The following PHACTR1 variants were observed in gnomAD, a reference collection of about 807,000 sequenced individuals.
PHACTR1 encodes the protein RPEL repeat containing 1.
PHACTR1 carries 16 observed loss-of-function variants against 69.2 expected under a neutral mutation model. The observed-to-expected ratio is 0.23, with a 90% CI of 0.16 to 0.35. The LOEUF is 0.35. Among genes scored for constraint, PHACTR1 ranks in the 10% least tolerant of loss-of-function variants. PHACTR1 has a pLI of 1.00. For synonymous variants in PHACTR1, 312 were observed against 284.5 expected (o/e 1.10, Z -0.97); for missense variants, 510 against 734.7 (o/e 0.69, Z 3.54).
chr6:12,727,342 C>T (rs1762922825), intron 3 of PHACTR1, among the ~76,000 whole-genome samples: 1 of 152,168 alleles, frequency 6.6e-6, no homozygotes, highest in East Asian at 1.9e-4. Context: ...GGAGTGTGCC[C>T]TGGGAACAGG....
At chr6:13,012,098 T>A (rs1799515652) in intron 4 of PHACTR1, among the ~76,000 whole-genome samples, 1 of 152,198 alleles carries the variant, frequency 6.6e-6, no homozygotes, top group South Asian at 2.1e-4. Context: ...GCATTCTACA[T>A]CCATCCCCCT....
intron 10 of PHACTR1, among the ~76,000 whole-genome samples, chr6:13,253,299 T>C (rs1283617906): frequency 6.6e-6 from 1 of 152,230 alleles, no homozygotes; most frequent in Admixed American, 6.5e-5. Flanking sequence ...TTTTAACGTT[T>C]CATCCCTTGC....
At chr6:12,787,417 G>C (rs1771674356) in intron 4 of PHACTR1, among the ~76,000 whole-genome samples, 1 of 152,248 alleles carries the variant, frequency 6.6e-6, no homozygotes, top group South Asian at 2.1e-4. Flanking sequence ...TGACTTGAGT[G>C]TGAAAGGCGT....
chr6:12,776,666 G>C (rs1456609701), intron 4 of PHACTR1, among the ~76,000 whole-genome samples: 4 of 152,170 alleles, frequency 2.6e-5, no homozygotes, highest in Non-Finnish European at 5.9e-5. Context: ...AAGCAGAATG[G>C]ATGTATTATT....
At chr6:13,095,354 T>A (rs755962985) in intron 5 of PHACTR1, among the ~76,000 whole-genome samples, 54 of 152,198 alleles carry the variant, frequency 3.5e-4, no homozygotes, top group South Asian at 4.1e-4. Flanking sequence ...GGTGAGTGAT[T>A]TAAATTTTGA....
intron 5 of PHACTR1, among the ~76,000 whole-genome samples, chr6:13,090,526 T>C (rs1813084699): frequency 5.3e-5 from 8 of 152,028 alleles, no homozygotes; most frequent in Non-Finnish European, 1.5e-5. Flanking sequence ...GGTTTCACTA[T>C]GTTGGTCAGA....
intron 3 of PHACTR1, among the ~76,000 whole-genome samples, chr6:12,721,209 A>T (rs897722466): frequency 1.3e-5 from 2 of 152,140 alleles, no homozygotes; most frequent in Non-Finnish European, 2.9e-5. Flanking sequence ...AACATGGTGA[A>T]ACCCTGTCTC....
chr6:12,976,535 CT>C (rs1212054510), intron 4 of PHACTR1, among the ~76,000 whole-genome samples: 1 of 152,188 alleles, frequency 6.6e-6, no homozygotes, highest in East Asian at 1.9e-4. Context: ...TTGCTATAGT[CT>C]TTCCCACTTA....
chr6:13,018,264 G>A (rs941469060), intron 4 of PHACTR1, among the ~76,000 whole-genome samples: 2 of 152,104 alleles, frequency 1.3e-5, no homozygotes, highest in Non-Finnish European at 1.5e-5. Flanking sequence ...TACCGAGGTC[G>A]AACCACCATT....
chr6:12,898,059 A>G (rs1784847669), intron 4 of PHACTR1, among the ~76,000 whole-genome samples: 1 of 152,170 alleles, frequency 6.6e-6, no homozygotes. Flanking sequence ...TCTTTATTCT[A>G]CTGAACTTCC....
intron 4 of PHACTR1, chr6:12,957,715 G>A: frequency 1.0e-6 from 1 of 985,594 alleles, no homozygotes; most frequent in Non-Finnish European, 1.2e-6. Flanking sequence ...GGATAAAATG[G>A]ACCCTTCATG....
intron 10 of PHACTR1, among the ~76,000 whole-genome samples, chr6:13,233,356 A>C (rs1430586410): frequency 1.5e-4 from 2 of 13,250 alleles, no homozygotes; most frequent in African/African-American, 1.2e-3. Context: ...CTGAAGGTTT[A>C]CCATAGTATA....
intron 12 of PHACTR1, 48 bp downstream of exon 12, chr6:13,278,377 C>T (rs1479672057): frequency 3.3e-6 from 5 of 1,522,500 alleles, no homozygotes; most frequent in Non-Finnish European, 4.5e-6. Flanking sequence ...GGGTGGGCTG[C>T]CTGCCACACC....
intron 4 of PHACTR1, among the ~76,000 whole-genome samples, chr6:12,773,837 G>A (rs1462516143): frequency 2.0e-5 from 3 of 152,168 alleles, no homozygotes; most frequent in Non-Finnish European, 2.9e-5. Context: ...CTTGTTTGGT[G>A]AGCTCATCTT....
At chr6:12,838,605 T>C (rs959009031) in intron 4 of PHACTR1, among the ~76,000 whole-genome samples, 1 of 152,208 alleles carries the variant, frequency 6.6e-6, no homozygotes, top group African/African-American at 2.4e-5. Context: ...TGGGAGGCCC[T>C]CATGTTCTCT....
intron 4 of PHACTR1, among the ~76,000 whole-genome samples, chr6:13,001,871 T>C (rs1387648081): frequency 6.6e-6 from 1 of 152,234 alleles, no homozygotes; most frequent in Non-Finnish European, 1.5e-5. Context: ...ACTGGAAGTT[T>C]CAGTCTGGGT....
At chr6:13,151,594 A>G (rs2113453775) in intron 5 of PHACTR1, among the ~76,000 whole-genome samples, 2 of 152,380 alleles carry the variant, frequency 1.3e-5, no homozygotes, top group Middle Eastern at 6.8e-3. Context: ...GGTTAAATAA[A>G]TCATAGTACC....
chr6:13,063,672 G>C (rs1177925652), intron 5 of PHACTR1, among the ~76,000 whole-genome samples: 1 of 151,858 alleles, frequency 6.6e-6, no homozygotes, highest in Non-Finnish European at 1.5e-5. Context: ...CCCAGCTGCT[G>C]GGGAGGCTAA....
intron 5 of PHACTR1, among the ~76,000 whole-genome samples, chr6:13,124,859 C>T (rs1366420071): frequency 6.6e-6 from 1 of 152,146 alleles, no homozygotes; most frequent in Non-Finnish European, 1.5e-5. Flanking sequence ...TATATGGTGT[C>T]TTTTCTTATA....
Sources: gnomAD v4.1 joint callset for allele counts (sites outside exome capture counted in the v4.1 genomes callset) on GRCh38, gnomAD v4.1.1 for gene constraint, MANE v1.5 for transcripts, NCBI Gene and HGNC (gene_info 2026-07-23, HGNC 2026-07-21) for gene names.